The following GK variants were observed in gnomAD, a reference collection of about 807,000 sequenced individuals.
The protein encoded by GK is ATP:glycerol 3-phosphotransferase.
GK carries 9 observed loss-of-function variants against 56.4 expected under a neutral mutation model. That is an observed-to-expected ratio of 0.16 (90% CI 0.10 to 0.28). The LOEUF is 0.28. Among genes scored for constraint, GK ranks in the 10% least tolerant of loss-of-function variants. GK has a pLI of 1.00. For missense variants in GK, 161 were observed against 431.4 expected (o/e 0.37, Z 5.55); for synonymous variants, 104 against 144.1 (o/e 0.72, Z 1.99).
chrX:30,691,185 A>G lies in GK; in HGVS notation c.400A>G (p.Asn134Asp). 9.0e-7 allele frequency: 1 copy of G among 1,116,675 alleles called. No individual in the cohort carries two copies. The highest frequency in any genetic ancestry group is 1.2e-6 in the Non-Finnish European group (1 of 810,336). The allele number at this position is 1,116,675 out of a possible 1,213,427, so 92.0% of individuals were successfully genotyped here. A position where few individuals can be genotyped will look rare whatever the true frequency, so the allele number is the denominator to read the frequency against. The change falls in exon 5 of 21, where the codon AAT becomes GAT. Residue 134 changes from asparagine (N) to aspartate (D), a missense_variant. By Grantham distance (23) the Asn-to-Asp change is conservative. Transcript: ENST00000427190. The stretch of plus-strand genomic sequence containing the variant: ...TCTTAGTAAAAGAATTCCAGGAAAT[A>G]ATAACTTTGTCAAGGTAAGAATTTC... Reference protein sequence around the residue: ...ESLSKRIPGNNNFVKSKTGLP... With the variant: ...ESLSKRIPGNDNFVKSKTGLP...
At chrX:30,683,089 A>G (rs1934371891) in intron 4 of GK, among the ~76,000 whole-genome samples, 1 of 111,193 alleles carries the variant, frequency 9.0e-6, no homozygotes, top group Non-Finnish European at 1.9e-5. Context: ...TTCTCTTTGT[A>G]TGTTTTCTTC....
intron 1 of GK, among the ~76,000 whole-genome samples, chrX:30,665,079 T>C (rs1459165861): frequency 1.8e-5 from 2 of 112,060 alleles, no homozygotes; most frequent in Admixed American, 1.9e-4. Flanking sequence ...TACGTGTCTA[T>C]GTGCCTGAGT....
intron 9 of GK, among the ~76,000 whole-genome samples, chrX:30,698,826 A>AT (rs1216324050): frequency 3.2e-5 from 3 of 92,458 alleles, no homozygotes; most frequent in Non-Finnish European, 6.2e-5. Context: ...AGATGGTGCC[A>AT]TTGCATGCCA....
chrX:30,717,474 C>A (rs2147257610), intron 13 of GK, among the ~76,000 whole-genome samples: 1 of 110,881 alleles, frequency 9.0e-6, no homozygotes, highest in Admixed American at 9.6e-5. Context: ...AAAAGAAACC[C>A]CATAACCACC....
chrX:30,696,540 T>A (rs769721049), intron 7 of GK, 77 bp from the exon 8 acceptor site: 1 of 722,414 alleles, frequency 1.4e-6, no homozygotes, highest in South Asian at 2.3e-5. Flanking sequence ...TTTATGCTTT[T>A]TGCATTTAAA....
intron 15 of GK, 108 bp downstream of exon 15, chrX:30,719,623 GA>G (rs890687749): frequency 4.0e-6 from 2 of 502,451 alleles, no homozygotes; most frequent in African/African-American, 4.8e-5. Context: ...AATGTGTTGA[GA>G]AAACCTTTTC....
chrX:30,696,747 T>C, intron 8 of GK, 64 bp downstream of exon 8: 3 of 851,042 alleles, frequency 3.5e-6, no homozygotes, highest in Non-Finnish European at 5.2e-6. Flanking sequence ...AAAAAAAACC[T>C]AATAATTAAA....
In GK at chrX:30,712,758, T is replaced by G. The variant is rs1365847672; in HGVS notation, c.975+4624T>G. 7.8e-5 allele frequency among the ~76,000 whole-genome samples: 7 copies of G among 90,296 alleles called. No homozygotes were observed. The East Asian group carries it at 2.3e-3, about 30-fold the overall frequency. The allele number at this position is 90,296 out of a possible 115,157, so 78.4% of individuals were successfully genotyped here. A position where few individuals can be genotyped will look rare whatever the true frequency, so the allele number is the denominator to read the frequency against. ...TTTTTTTTTTGAGATGGAGTCTCGC[T>G]CTGTCGCCCAGGCTGGAATTCAGTG... On this transcript the variant is annotated intron_variant, in intron 13 of 20. Transcript: ENST00000427190.
intron 4 of GK, among the ~76,000 whole-genome samples, chrX:30,688,228 G>A (rs765995951): frequency 5.6e-4 from 62 of 111,698 alleles, no homozygotes; most frequent in Non-Finnish European, 8.7e-4. Context: ...ACTATTGTCA[G>A]TCACAGCTGC....
intron 11 of GK, among the ~76,000 whole-genome samples, chrX:30,705,513 C>T (rs1458837798): frequency 1.8e-5 from 2 of 112,534 alleles, no homozygotes; most frequent in East Asian, 2.8e-4. Flanking sequence ...GCGCCATCTT[C>T]GTCACACCTC....
chrX:30,656,774 C>T (rs893809368), intron 1 of GK, among the ~76,000 whole-genome samples: 1 of 112,791 alleles, frequency 8.9e-6, no homozygotes, highest in African/African-American at 3.2e-5. Flanking sequence ...CACTTAAAGA[C>T]TGTTCAGAGA....
At position 30,694,529 on chromosome X, in the gene GK, C is replaced by T; in HGVS notation, c.544C>T (p.Leu182Phe). ...RALFGTIDSW[L>F]IWSLTGGVNG... ...TCTTTTTGGGACTATTGATTCATGGCTTATTTGGGTATGTTTAAATATAAT... is the reference window on the plus strand; with the variant it reads ...TCTTTTTGGGACTATTGATTCATGGTTTATTTGGGTATGTTTAAATATAAT... Residue 182 changes from leucine to phenylalanine, a missense_variant, in exon 6 of 21, where the codon CTT (leucine) becomes TTT (phenylalanine). Coordinates refer to ENST00000427190, the MANE Select transcript of GK (RefSeq NM_001205019.2). 9 of 1,203,292 alleles carry T rather than the reference C, an allele frequency of 7.5e-6. No homozygotes were observed. Among genetic ancestry groups the T allele is most frequent in the Non-Finnish European group, 1.0e-5 (9 of 888,215 alleles).
chrX:30,695,884 A>ACAC (rs1460587167), intron 6 of GK, among the ~76,000 whole-genome samples, 158 bp from the exon 7 acceptor site: 9 of 112,874 alleles, frequency 8.0e-5, no homozygotes, highest in African/African-American at 3.2e-5. Context: ...CATGGAATAT[A>ACAC]CACCAGATTT....
chrX:30,662,746 T>TTTCC (rs63056165), intron 1 of GK, among the ~76,000 whole-genome samples: 23 of 97,756 alleles, frequency 2.4e-4, no homozygotes, highest in East Asian at 6.2e-4. Context: ...TCCTTCTTTC[T>TTTCC]TTCCTTCCTT....
At chrX:30,696,486 T>C in intron 7 of GK, 131 bp from the exon 8 acceptor site, 1 of 507,666 alleles carries the variant, frequency 2.0e-6, no homozygotes, top group Non-Finnish European at 3.5e-6. Context: ...ACGTATTTAT[T>C]GCTATCTAAC....
intron 3 of GK, among the ~76,000 whole-genome samples, chrX:30,674,679 A>AAT (rs979107755): frequency 2.5e-4 from 28 of 109,931 alleles, no homozygotes; most frequent in South Asian, 1.1e-3. Flanking sequence ...TTTTTTAAAA[A>AAT]ATATATATAT....
intron 1 of GK, among the ~76,000 whole-genome samples, chrX:30,657,636 A>G (rs946724879): frequency 2.7e-5 from 3 of 112,155 alleles, no homozygotes; most frequent in Admixed American, 9.5e-5. Context: ...TGTGATGTAG[A>G]TCGTATTAGT....
chrX:30,669,687 A>G (rs1933347657), intron 3 of GK, among the ~76,000 whole-genome samples: 1 of 111,512 alleles, frequency 9.0e-6, no homozygotes, highest in Non-Finnish European at 1.9e-5. Context: ...GACTATAGAT[A>G]GAGAGAACAT....
At position 30,653,608 on chromosome X, in the gene GK, G is replaced by C; in HGVS notation, c.71G>C (p.Arg24Pro). 1 of 1,207,460 alleles carries C rather than the reference G, an allele frequency of 8.3e-7. No homozygotes were observed. Among genetic ancestry groups the C allele is most frequent in the Non-Finnish European group, 1.1e-6 (1 of 891,303 alleles). ...GTGGACCAGGGCACCAGTTCGACGC[G>C]CTTTTTGGTGAGCCCGGGGTGACAT... ...GAVDQGTSST[R>P]FLVFNSKTAE... The change falls in exon 1 of 21, where the codon CGC (arginine) becomes CCC (proline). Residue 24 changes from arginine (R) to proline (P), a missense_variant. Transcript: ENST00000427190.
Sources: allele counts gnomAD v4.1 joint callset (sites outside exome capture counted in the v4.1 genomes callset), GRCh38; gene constraint gnomAD v4.1.1; transcripts MANE v1.5; gene names NCBI Gene and HGNC (gene_info 2026-07-23, HGNC 2026-07-21).